HECW2: variants seen among roughly 807,000 people sequenced by gnomAD.
HECW2 encodes the protein E3 ubiquitin-protein ligase HECW2.
HECW2 carries 61 observed loss-of-function variants against 175.2 expected under a neutral mutation model. The observed-to-expected ratio is 0.35, with a 90% CI of 0.28 to 0.43. The LOEUF is 0.43. Among genes scored for constraint, HECW2 ranks in the 20% least tolerant of loss-of-function variants. The pLI is 1.00. For synonymous variants in HECW2, 671 were observed against 731.0 expected, an observed-to-expected ratio of 0.92 and a Z score of 1.32; for missense variants, 1,524 against 2,000.5, an observed-to-expected ratio of 0.76 and a Z score of 4.54.
intron 2 of HECW2, among the ~76,000 whole-genome samples, chr2:196,346,264 G>A (rs1239448174): frequency 1.3e-5 from 2 of 152,122 alleles, no homozygotes; most frequent in South Asian, 2.1e-4. Flanking sequence ...TAATCCAAAC[G>A]CATTTCTGAC....
At chr2:196,490,605 A>G (rs925730763) in intron 1 of HECW2, among the ~76,000 whole-genome samples, 2 of 152,214 alleles carry the variant, frequency 1.3e-5, no homozygotes, top group Non-Finnish European at 2.9e-5. Context: ...CTAGATATCT[A>G]TCCAAGAGAA....
intron 19 of HECW2, among the ~76,000 whole-genome samples, chr2:196,248,597 G>GACACAAACAAACAC: frequency 6.9e-6 from 1 of 144,036 alleles, no homozygotes; most frequent in South Asian, 2.3e-4. Context: ...GAGACAGACA[G>GACACAAACAAACAC]ACACACACAC....
intron 1 of HECW2, among the ~76,000 whole-genome samples, chr2:196,500,083 C>T (rs1430908013): frequency 1.3e-5 from 2 of 151,958 alleles, no homozygotes; most frequent in African/African-American, 4.8e-5. Flanking sequence ...AAATGTTCCT[C>T]CTCAAGAAAA....
intron 2 of HECW2, among the ~76,000 whole-genome samples, chr2:196,348,854 T>C (rs954942113): frequency 6.6e-6 from 1 of 152,218 alleles, no homozygotes. Flanking sequence ...ATTCCAAATC[T>C]GTCTCTGTCC....
intron 1 of HECW2, among the ~76,000 whole-genome samples, chr2:196,474,324 T>C (rs560777439): frequency 6.6e-6 from 1 of 152,306 alleles, no homozygotes; most frequent in East Asian, 1.9e-4. Flanking sequence ...GAGCAGATAA[T>C]GTAAGAAAGT....
intron 2 of HECW2, among the ~76,000 whole-genome samples, chr2:196,397,648 G>A (rs148511945): frequency 1.3e-5 from 2 of 152,160 alleles, no homozygotes; most frequent in African/African-American, 4.8e-5. Context: ...CCAAATACCA[G>A]ACAGCATCAT....
In HECW2 at chr2:196,209,774, T is replaced by A. The variant is rs548437901; in HGVS notation, c.4607+6091A>T. On this transcript the variant is annotated intron_variant, in intron 28 of 28. Transcript: ENST00000644978. ...TTTTCTTTCTTTCTTTCTTTTTTTTTTTTTTTTGAGACGGAGTCTGGCTCT... is the reference window on the plus strand; with the variant it reads ...TTTTCTTTCTTTCTTTCTTTTTTTTATTTTTTTGAGACGGAGTCTGGCTCT... Among the ~76,000 whole-genome samples the A allele has an allele frequency of 7.0e-3, 1,065 of 151,342 alleles. 29 individuals are homozygous for A. The highest frequency in any genetic ancestry group is 0.043 in the Admixed American group (649 of 15,250).
At chr2:196,457,180 G>C (rs1012899098) in intron 1 of HECW2, among the ~76,000 whole-genome samples, 22 of 152,178 alleles carry the variant, frequency 1.4e-4, no homozygotes, top group Admixed American at 1.4e-3. Context: ...ATATGTCTCT[G>C]CTCTGATGTC....
intron 1 of HECW2, among the ~76,000 whole-genome samples, chr2:196,447,445 C>T (rs1383589658): frequency 6.6e-6 from 1 of 152,094 alleles, no homozygotes; most frequent in African/African-American, 2.4e-5. Flanking sequence ...CAACAATAAA[C>T]TGATGGCAAA....
Position 196,587,742 on chromosome 2 carries a change from T to C in HECW2, c.-36+5766A>G, listed in dbSNP as rs567254258. Among the ~76,000 whole-genome samples, 29 of 152,298 alleles carry C rather than the reference T, an allele frequency of 1.9e-4. No individual in the cohort carries two copies. The South Asian group carries it at 5.8e-3, about 30-fold the overall frequency. ...CTATACGCACTCACCAGTGCAGTCTTTGCAGCACAAATACAATCTTAAATA... is the reference window on the plus strand; with the variant it reads ...CTATACGCACTCACCAGTGCAGTCTCTGCAGCACAAATACAATCTTAAATA... On this transcript the variant is annotated intron_variant, in intron 1 of 28. Coordinates refer to ENST00000644978, the MANE Select transcript of HECW2 (RefSeq NM_001348768.2).
chr2:196,462,681 C>G (rs543546985), intron 1 of HECW2, among the ~76,000 whole-genome samples: 1 of 151,728 alleles, frequency 6.6e-6, no homozygotes, highest in South Asian at 2.1e-4. Context: ...CAAGCACCCA[C>G]CCCTCCCCCC....
intron 14 of HECW2, among the ~76,000 whole-genome samples, chr2:196,280,972 G>C (rs1690162214): frequency 6.6e-6 from 1 of 152,106 alleles, no homozygotes; most frequent in Non-Finnish European, 1.5e-5. Flanking sequence ...AATACAAAGA[G>C]CATAAATTAG....
intron 1 of HECW2, chr2:196,586,863 C>T (rs1691000038): frequency 6.6e-6 from 1 of 152,140 alleles, no homozygotes; most frequent in African/African-American, 2.4e-5. Flanking sequence ...CTCTGCATGA[C>T]ATCGGTGGTT....
chr2:196,362,878 C>T (rs918552747), intron 2 of HECW2, among the ~76,000 whole-genome samples: 15 of 152,146 alleles, frequency 9.9e-5, no homozygotes, highest in African/African-American at 3.6e-4. Flanking sequence ...GGCTATAAGA[C>T]CATCTCTCTC....
intron 1 of HECW2, among the ~76,000 whole-genome samples, chr2:196,581,590 T>C (rs1421300208): frequency 6.6e-6 from 1 of 152,104 alleles, no homozygotes; most frequent in Non-Finnish European, 1.5e-5. Context: ...CACCTTAACA[T>C]TGTGAATTTT....
rs1182387419 is a variant in HECW2 at position 196,437,842 on chromosome 2, C to G, written c.-35-4384G>C. ...GTCAAGGAAGGAGAGACTCCAAGGA[C>G]AGTGTCAAATGCTGCAGGGAAAGAC... On this transcript the variant is annotated intron_variant, in intron 1 of 28. Transcript: ENST00000644978. Among the ~76,000 whole-genome samples, 3 of 152,150 alleles carry G rather than the reference C, an allele frequency of 2.0e-5. No homozygotes were observed. In the East Asian group the frequency reaches 5.8e-4, roughly 29 times the overall value.
chr2:196,306,052 C>T (rs1482909185), intron 13 of HECW2, among the ~76,000 whole-genome samples: 1 of 152,104 alleles, frequency 6.6e-6, no homozygotes, highest in Non-Finnish European at 1.5e-5. Context: ...GAGATGGGGG[C>T]AGGAGGTGAC....
chr2:196,334,774 A>C (rs1692490279), intron 3 of HECW2, among the ~76,000 whole-genome samples: 1 of 152,254 alleles, frequency 6.6e-6, no homozygotes, highest in Non-Finnish European at 1.5e-5. Context: ...TAGTGTAGCG[A>C]TAAGAATGGG....
In HECW2 at chr2:196,393,254, G is replaced by A. The variant is rs192721006; in HGVS notation, c.292+39878C>T. On this transcript the variant is annotated intron_variant, in intron 2 of 28. Transcript: ENST00000644978. ...AGGCATAGACAAGGACTTCATGACT[G>A]ACTAAAACATCAAAAGCAATGGCAA... 2.3e-4 allele frequency among the ~76,000 whole-genome samples: 35 copies of A among 152,242 alleles called. 1 individual carries two copies. The highest frequency in any genetic ancestry group is 2.3e-3 in the Admixed American group (35 of 15,298).
Sources: allele counts gnomAD v4.1 joint callset (sites outside exome capture counted in the v4.1 genomes callset), GRCh38; gene constraint gnomAD v4.1.1; transcripts MANE v1.5; gene names NCBI Gene and HGNC (gene_info 2026-07-23, HGNC 2026-07-21).